The following HEPH variants were observed in gnomAD, a reference collection of about 807,000 sequenced individuals.
HEPH encodes hephaestin.
HEPH carries 69 observed loss-of-function variants against 80.8 expected under a neutral mutation model. The ratio of observed to expected loss-of-function variants is 0.85; its 90% CI spans 0.70 to 1.04. The LOEUF (loss-of-function observed/expected upper bound fraction) is 1.04, where lower values mean the gene tolerates loss of function less well. HEPH is among the 50% of genes least tolerant of loss of function. HEPH has a pLI of 0.00. For missense variants in HEPH, 1,115 were observed against 891.3 expected (o/e 1.25, Z -3.20); for synonymous variants, 431 against 322.8 (o/e 1.34, Z -3.60).
chrX:66,266,446 C>T lies in HEPH; in HGVS notation c.3251C>T (p.Pro1084Leu). The stretch of plus-strand genomic sequence containing the variant: ...TTTTTTTTCTCCATTTCAGCAGTGC[C>T]CCCCAGAGACATTGAAGAAGGCAAT... The part of the protein sequence containing the change: ...VITKETEKAV[P>L]PRDIEEGNVK... The change falls in exon 21 of 21, where the codon CCC (proline) becomes CTC (leucine). Residue 1084 changes from proline to leucine, a missense_variant. Pro to Leu is a moderately conservative substitution (Grantham distance 98). This residue lies in a region of HEPH where 716 missense variants were observed against 523.5 expected (regional missense o/e 1.37). Transcript: ENST00000343002. The T allele has an allele frequency of 2.5e-6, 3 of 1,207,120 alleles. No homozygotes were observed. The highest frequency in any genetic ancestry group is 3.5e-5 in the South Asian group (2 of 56,663).
chrX:66,225,738 G>T (rs1174111390), intron 15 of HEPH, among the ~76,000 whole-genome samples: 1 of 112,759 alleles, frequency 8.9e-6, no homozygotes, highest in Non-Finnish European at 1.9e-5. Flanking sequence ...AAGCTGGCCA[G>T]AGTCCCCCGC....
chrX:66,198,780 G>T, intron 10 of HEPH, 98 bp from the exon 11 acceptor site: 1 of 659,107 alleles, frequency 1.5e-6, no homozygotes, highest in Admixed American at 2.8e-5. Flanking sequence ...AAAAGGAAAT[G>T]GGAAAGAATC....
chrX:66,211,130 C>A (rs2089092864), intron 15 of HEPH, among the ~76,000 whole-genome samples: 1 of 110,866 alleles, frequency 9.0e-6, no homozygotes, highest in African/African-American at 3.3e-5. Context: ...CATGTAATCA[C>A]CCAGTGAGAT....
In HEPH at chrX:66,188,453, T is replaced by C. The variant is rs2087605392; in HGVS notation, c.720T>C (p.His240=). 1 of 1,209,009 alleles carries C rather than the reference T, an allele frequency of 8.3e-7. No individual in the cohort carries two copies. The highest frequency in any genetic ancestry group is 1.7e-5 in the African/African-American group (1 of 57,676). The change falls in exon 5 of 21, where the codon CAT becomes CAC. Residue 240 remains histidine, a synonymous_variant. Transcript: ENST00000343002. The part of the protein sequence containing the change: ...FSVVDENLSW[H]LNENIATYCS... ...TGGTAGATGAGAACCTCAGCTGGCA[T>C]CTCAATGAGAACATTGCCACTTACT...
At chrX:66,211,939 T>C (rs1372898737) in intron 15 of HEPH, among the ~76,000 whole-genome samples, 1 of 111,743 alleles carries the variant, frequency 8.9e-6, no homozygotes, top group Non-Finnish European at 1.9e-5. Flanking sequence ...TCCACTAGTT[T>C]ACATTTCCAC....
In HEPH at chrX:66,266,834, G is replaced by A. The variant is rs1315439853; in HGVS notation, c.*162G>A. The A allele has an allele frequency of 4.7e-6, 2 of 422,524 alleles. No homozygotes were observed. Among genetic ancestry groups the A allele is most frequent in the Non-Finnish European group, 4.1e-6 (1 of 245,544 alleles). 34.8% of individuals were successfully genotyped at this position (422,524 alleles called of 1,213,427 possible). A position where few individuals can be genotyped will look rare whatever the true frequency, so the allele number is the denominator to read the frequency against. On this transcript the variant is annotated 3_prime_UTR_variant, in exon 21 of 21. Coordinates refer to ENST00000343002, the MANE Select transcript of HEPH (RefSeq NM_001367233.3). ...ATTTCTTTCTTTATTTATTTTACAT[G>A]GAAATAATATGATTTCACTTTTTCT...
At position 66,207,124 on chromosome X, in the gene HEPH, C is replaced by T. The variant is rs778251842; in HGVS notation, c.2292-71C>T. On this transcript the variant is annotated intron_variant, in intron 13 of 20. Transcript: ENST00000343002. The stretch of plus-strand genomic sequence containing the variant: ...CATGAAGCTGGTTCTGACTTAGCTT[C>T]CCCATAAATACTCAAATGAAAATGA... The T allele has an allele frequency of 8.3e-5, 81 of 978,124 alleles. No individual in the cohort carries two copies. The African/African-American group carries it at 1.4e-3, about 17-fold the overall frequency. 80.6% of individuals were successfully genotyped at this position (978,124 alleles called of 1,213,427 possible).
At chrX:66,243,246 C>T (rs1284946270) in intron 15 of HEPH, among the ~76,000 whole-genome samples, 1 of 111,844 alleles carries the variant, frequency 8.9e-6, no homozygotes, top group African/African-American at 3.2e-5. Flanking sequence ...CCAAATACTG[C>T]ATGTTTTCAC....
At chrX:66,207,813 C>T (rs748986920) in intron 14 of HEPH, among the ~76,000 whole-genome samples, 68 of 111,567 alleles carry the variant, frequency 6.1e-4, no homozygotes, top group African/African-American at 2.1e-3. Flanking sequence ...AATGATTCCA[C>T]AGCACCTTGA....
chrX:66,232,206 C>G (rs756185801), intron 15 of HEPH, among the ~76,000 whole-genome samples: 2 of 111,213 alleles, frequency 1.8e-5, no homozygotes, highest in Admixed American at 1.9e-4. Context: ...ATTTTTGCAT[C>G]AATGTTCATC....
intron 15 of HEPH, among the ~76,000 whole-genome samples, chrX:66,228,017 C>T (rs770403725): frequency 9.0e-6 from 1 of 111,211 alleles, no homozygotes; most frequent in Non-Finnish European, 1.9e-5. Flanking sequence ...GGTCCATTTT[C>T]CTGCTGCTGA....
chrX:66,196,195 C>T (rs1036248212), intron 9 of HEPH, among the ~76,000 whole-genome samples: 32 of 110,994 alleles, frequency 2.9e-4, no homozygotes, highest in South Asian at 3.8e-4. Flanking sequence ...GGCATTATAG[C>T]GACATAGGAG....
At chrX:66,191,888 A>G (rs2087809932) in intron 6 of HEPH, among the ~76,000 whole-genome samples, 1 of 111,302 alleles carries the variant, frequency 9.0e-6, no homozygotes, top group South Asian at 3.8e-4. Context: ...AAGAGGCAGG[A>G]ATGAGTATCT....
chrX:66,231,700 A>G (rs1385195605), intron 15 of HEPH, among the ~76,000 whole-genome samples: 3 of 109,091 alleles, frequency 2.8e-5, no homozygotes, highest in African/African-American at 1.0e-4. Flanking sequence ...GGTTTTCTAG[A>G]TATACAATCA....
intron 15 of HEPH, among the ~76,000 whole-genome samples, chrX:66,216,076 T>A (rs2089376548): frequency 1.8e-5 from 2 of 110,036 alleles, no homozygotes; most frequent in African/African-American, 6.7e-5. Context: ...CCAAGGAGAG[T>A]CTGAGTTCAG....
At chrX:66,252,433 A>T (rs2091035809) in intron 15 of HEPH, among the ~76,000 whole-genome samples, 1 of 111,442 alleles carries the variant, frequency 9.0e-6, no homozygotes, top group Admixed American at 9.6e-5. Flanking sequence ...AGAGGTGAGC[A>T]TGTAGTTAGG....
At chrX:66,192,322 C>G (rs2087840319) in intron 7 of HEPH, 24 bp downstream of exon 7, 2 of 1,125,275 alleles carry the variant, frequency 1.8e-6, no homozygotes, top group Non-Finnish European at 2.4e-6. Context: ...GGATCCCTCT[C>G]TTTAATTCTT....
intron 17 of HEPH, among the ~76,000 whole-genome samples, chrX:66,257,865 G>A (rs948368693): frequency 1.8e-5 from 2 of 111,624 alleles, no homozygotes; most frequent in African/African-American, 6.5e-5. Context: ...AAGAAGTGGG[G>A]GAAAATTGTC....
At position 66,214,630 on chromosome X, in the gene HEPH, T is replaced by C. The variant is rs777078819; in HGVS notation, c.2563+6384T>C. ...ATCTTCTGTTAACTTTATAAGTTTC[T>C]TTTTTCACATTCAAATCTGTAATCA... On this transcript the variant is annotated intron_variant, in intron 15 of 20. Coordinates refer to ENST00000343002, the MANE Select transcript of HEPH (RefSeq NM_001367233.3). Among the ~76,000 whole-genome samples the C allele has an allele frequency of 8.9e-5, 10 of 111,758 alleles. No homozygotes were observed. The South Asian group carries it at 3.0e-3, about 33-fold the overall frequency.
Sources: gnomAD v4.1 joint callset for allele counts (sites outside exome capture counted in the v4.1 genomes callset) on GRCh38, gnomAD v4.1.1 for gene constraint, gnomAD v4.1.1 regional missense constraint, MANE v1.5 for transcripts, NCBI Gene and HGNC (gene_info 2026-07-23, HGNC 2026-07-21) for gene names.